The following FBN2 variants were observed in gnomAD, a reference collection of about 807,000 sequenced individuals.
The protein encoded by FBN2 is fibrillin-2.
A neutral mutation model predicts 355.6 loss-of-function variants in FBN2; 105 were observed. That is an observed-to-expected ratio of 0.30 (90% CI 0.25 to 0.35). The LOEUF (loss-of-function observed/expected upper bound fraction) is 0.35, where lower values mean the gene tolerates loss of function less well. Among genes scored for constraint, FBN2 ranks in the 10% least tolerant of loss-of-function variants. The pLI, the probability that FBN2 is intolerant of heterozygous loss-of-function variation, is 1.00. For synonymous variants in FBN2, 1,350 were observed against 1,301.2 expected (o/e 1.04, Z -0.81); for missense variants, 3,280 against 3,758.7 (o/e 0.87, Z 3.33).
At chr5:128,290,936 G>A (rs1749305597) in intron 49 of FBN2, 52 bp from the exon 50 acceptor site, 1 of 1,542,210 alleles carries the variant, frequency 6.5e-7, no homozygotes, top group Non-Finnish European at 9.0e-7. Context: ...ACACTGTTTG[G>A]ACAGAACATT....
At chr5:128,414,066 GATT>G (rs750627802) in intron 7 of FBN2, among the ~76,000 whole-genome samples, 1 of 152,112 alleles carries the variant, frequency 6.6e-6, no homozygotes, top group Non-Finnish European at 1.5e-5. Context: ...CCTCTTTTCA[GATT>G]TCAAAAGCAT....
intron 20 of FBN2, among the ~76,000 whole-genome samples, chr5:128,353,036 G>C (rs1056010400): frequency 6.6e-6 from 1 of 152,056 alleles, no homozygotes; most frequent in Non-Finnish European, 1.5e-5. Context: ...AGCTGGGAGT[G>C]ATGGCACATG....
At chr5:128,530,009 G>T (rs1251814500) in intron 3 of FBN2, among the ~76,000 whole-genome samples, 1 of 152,114 alleles carries the variant, frequency 6.6e-6, no homozygotes, top group Non-Finnish European at 1.5e-5. Context: ...CAAGACTTAA[G>T]AAAGCATTTA....
At chr5:128,489,756 C>T (rs1027407071) in intron 5 of FBN2, among the ~76,000 whole-genome samples, 1 of 152,054 alleles carries the variant, frequency 6.6e-6, no homozygotes, top group African/African-American at 2.4e-5. Flanking sequence ...AAATAGAAGA[C>T]CTCAGAGGTT....
intron 6 of FBN2, among the ~76,000 whole-genome samples, chr5:128,459,127 A>C (rs1189822906): frequency 6.6e-6 from 1 of 152,212 alleles, no homozygotes; most frequent in African/African-American, 2.4e-5. Context: ...GGACATCACC[A>C]CTGACCCCAC....
chr5:128,300,693 C>T (rs1012807737), intron 48 of FBN2, 124 bp downstream of exon 48: 37 of 946,516 alleles, frequency 3.9e-5, no homozygotes, highest in Admixed American at 2.4e-4. Context: ...ATGTAGGCAG[C>T]TATATGTTTA....
chr5:128,305,635 A>T lies in FBN2; in HGVS notation c.5550T>A (p.Asp1850Glu), dbSNP rs1400779816. 1 of 1,613,992 alleles carries T rather than the reference A, an allele frequency of 6.2e-7. No homozygotes were observed. The change falls in exon 44 of 65, where the codon GAT becomes GAA. Residue 1850 changes from aspartate (D) to glutamate (E), a missense_variant and splice_region_variant. Physicochemically the swap from Asp to Glu is conservative, Grantham distance 45. This residue lies in a region of FBN2 where 2,284 missense variants were observed against 2,749.5 expected (regional missense o/e 0.83). Transcript: ENST00000262464. ...SYNDLLLVCE[D>E]IDECSNGDNL... ...TATCACCATTGCTGCACTCATCTATATCTGAAAGAGCAACAATTCCATTTT... is the reference window on the plus strand; with the variant it reads ...TATCACCATTGCTGCACTCATCTATTTCTGAAAGAGCAACAATTCCATTTT...
intron 48 of FBN2, among the ~76,000 whole-genome samples, chr5:128,300,428 T>C (rs1180638392): frequency 6.6e-6 from 1 of 152,206 alleles, no homozygotes; most frequent in Non-Finnish European, 1.5e-5. Flanking sequence ...CTCAACAGCA[T>C]TGTCGAGATT....
At chr5:128,475,294 T>A (rs2127099494) in intron 5 of FBN2, among the ~76,000 whole-genome samples, 1 of 152,312 alleles carries the variant, frequency 6.6e-6, no homozygotes, top group South Asian at 2.1e-4. Flanking sequence ...GAAACCCATA[T>A]AACTTACTAG....
chr5:128,280,380 T>TTA lies in FBN2; in HGVS notation c.7013-64_7013-63insTA. 2.4e-6 allele frequency: 3 copies of TTA among 1,258,698 alleles called. No individual in the cohort carries two copies. In the Admixed American group the frequency reaches 5.1e-5, roughly 21 times the overall value. The allele number at this position is 1,258,698 out of a possible 1,614,324, so 78.0% of individuals were successfully genotyped here. On this transcript the variant is annotated intron_variant, in intron 55 of 64. Coordinates refer to ENST00000262464, the MANE Select transcript of FBN2 (RefSeq NM_001999.4). ...GTCAAATTATAGTTTACAAGCTATC[T>TTA]TCTAATGGGTTATATCTTATTTAAC...
Position 128,312,712 on chromosome 5 carries a change from C to T in FBN2, c.4801G>A (p.Val1601Ile), listed in dbSNP as rs762108847. The change falls in exon 37 of 65, where the codon GTC (valine) becomes ATC (isoleucine). Residue 1601 changes from valine (V) to isoleucine (I), a missense_variant. By Grantham distance (29) the Val-to-Ile change is conservative. Around this residue, in one of 6 missense-constraint regions of FBN2, gnomAD observed 2,284 missense variants for 2,749.5 expected, o/e 0.83. Transcript: ENST00000262464. ...GAGCAGCAGCATGAAGAGCGACTGA[C>T]GCCCACCCCGATCTCGGTGTTGCAA... Reference protein sequence around the residue: ...LSCNTEIGVGVSRSSCCCSLG... With the variant: ...LSCNTEIGVGISRSSCCCSLG... 20 of 1,614,026 alleles carry T rather than the reference C, an allele frequency of 1.2e-5. No homozygotes were observed. Among genetic ancestry groups the T allele is most frequent in the South Asian group, 5.5e-5 (5 of 91,058 alleles).
chr5:128,324,846 C>A (rs1347058922), intron 34 of FBN2, among the ~76,000 whole-genome samples: 2 of 152,064 alleles, frequency 1.3e-5, no homozygotes, highest in Admixed American at 6.6e-5. Context: ...ATCTTGATCA[C>A]CTGACCTCAT....
At chr5:128,503,175 T>C (rs1264012019) in intron 5 of FBN2, among the ~76,000 whole-genome samples, 2 of 152,228 alleles carry the variant, frequency 1.3e-5, no homozygotes, top group Non-Finnish European at 2.9e-5. Context: ...TCTTGCCTGC[T>C]GTCTGTAAGA....
intron 15 of FBN2, 23 bp downstream of exon 15, chr5:128,374,605 C>T: frequency 6.2e-7 from 1 of 1,613,738 alleles, no homozygotes. Flanking sequence ...CACAGTGGGG[C>T]CATTATAAAA....
At chr5:128,361,928 T>C (rs2126937317) in intron 18 of FBN2, 80 bp from the exon 19 acceptor site, 1 of 1,383,588 alleles carries the variant, frequency 7.2e-7, no homozygotes, top group African/African-American at 1.4e-5. Context: ...AATTTTGTTA[T>C]TTGTTTTATT....
intron 6 of FBN2, among the ~76,000 whole-genome samples, chr5:128,457,409 C>A (rs1285711458): frequency 6.6e-6 from 1 of 152,136 alleles, no homozygotes; most frequent in Non-Finnish European, 1.5e-5. Context: ...ACTTCCCCAA[C>A]CTAGCAAGAC....
chr5:128,512,512 CAAA>C (rs1158661549), intron 5 of FBN2, among the ~76,000 whole-genome samples: 3 of 60,676 alleles, frequency 4.9e-5, no homozygotes, highest in Non-Finnish European at 6.2e-5. Flanking sequence ...GAACCCGTCT[CAAA>C]AAAAAAAAAA....
intron 7 of FBN2, among the ~76,000 whole-genome samples, chr5:128,410,995 A>C (rs934543620): frequency 4.6e-5 from 7 of 152,232 alleles, no homozygotes; most frequent in Non-Finnish European, 7.3e-5. Context: ...AATACTGACC[A>C]AAACCCCTGC....
At chr5:128,394,045 A>G (rs1272913973) in intron 9 of FBN2, among the ~76,000 whole-genome samples, 4 of 152,180 alleles carry the variant, frequency 2.6e-5, no homozygotes, top group Admixed American at 6.5e-5. Flanking sequence ...AAAATTATTT[A>G]CTAGGCATTA....
Sources: allele counts gnomAD v4.1 joint callset (sites outside exome capture counted in the v4.1 genomes callset), GRCh38; gene constraint gnomAD v4.1.1; regional missense constraint gnomAD v4.1.1; transcripts MANE v1.5; gene names NCBI Gene and HGNC (gene_info 2026-07-23, HGNC 2026-07-21).